The following EGFLAM variants were observed in gnomAD, a reference collection of about 807,000 sequenced individuals.
EGFLAM encodes the protein pikachurin.
Under a neutral mutation model 113.1 loss-of-function variants are expected in EGFLAM, and 79 were observed. That is an observed-to-expected ratio of 0.70 (90% CI 0.58 to 0.84). The LOEUF is 0.84. Among genes scored for constraint, EGFLAM ranks in the 40% least tolerant of loss-of-function variants. The pLI is 0.00. For synonymous variants in EGFLAM, 504 were observed against 487.6 expected, an observed-to-expected ratio of 1.03 and a Z score of -0.44; for missense variants, 1,265 against 1,291.6, an observed-to-expected ratio of 0.98 and a Z score of 0.32.
chr5:38,383,020 G>T (rs1740555059), intron 6 of EGFLAM, among the ~76,000 whole-genome samples: 1 of 152,204 alleles, frequency 6.6e-6, no homozygotes, highest in Non-Finnish European at 1.5e-5. Context: ...GCAGATGGCA[G>T]TAGTTCCCAC....
At chr5:38,267,729 A>C (rs1356839455) in intron 1 of EGFLAM, among the ~76,000 whole-genome samples, 1 of 152,176 alleles carries the variant, frequency 6.6e-6, no homozygotes, top group African/African-American at 2.4e-5. Context: ...CAGTGGTTAG[A>C]TATTTGGAAC....
At chr5:38,367,756 C>T (rs986206568) in intron 5 of EGFLAM, among the ~76,000 whole-genome samples, 1 of 152,186 alleles carries the variant, frequency 6.6e-6, no homozygotes. Flanking sequence ...ATACTTTTGC[C>T]TGGTCATCTC....
chr5:38,370,294 A>G lies in EGFLAM; in HGVS notation c.546-2A>G. The G allele has an allele frequency of 6.2e-7, 1 of 1,612,602 alleles. No homozygotes were observed. The highest frequency in any genetic ancestry group is 1.7e-4 in the Middle Eastern group (1 of 6,058). ...CTTCTTCTGTTTTTCTAATCAATAA[A>G]GGCCAGATTTCGACAAGAAGTGGAC... On this transcript the variant is annotated splice_acceptor_variant, in intron 5 of 21. Coordinates refer to ENST00000322350, the MANE Select transcript of EGFLAM (RefSeq NM_152403.4). LOFTEE classifies it high-confidence loss of function.
intron 6 of EGFLAM, among the ~76,000 whole-genome samples, chr5:38,387,001 T>C (rs1039554933): frequency 3.9e-5 from 6 of 152,048 alleles, no homozygotes; most frequent in Admixed American, 6.5e-5. Flanking sequence ...GGAGGTAGCG[T>C]GGCCAAGTTT....
chr5:38,349,986 CAG>C (rs60208141), intron 3 of EGFLAM, among the ~76,000 whole-genome samples: 5,363 of 143,972 alleles, frequency 0.037, 149 homozygotes, highest in South Asian at 0.15. Context: ...CACACACACA[CAG>C]ACAGACACAC....
chr5:38,265,822 A>G (rs889264524), intron 1 of EGFLAM, among the ~76,000 whole-genome samples: 1 of 152,248 alleles, frequency 6.6e-6, no homozygotes, highest in African/African-American at 2.4e-5. Context: ...CTGAATTTTT[A>G]GAGTGCAATC....
intron 1 of EGFLAM, among the ~76,000 whole-genome samples, chr5:38,330,234 A>G (rs949397950): frequency 2.0e-5 from 3 of 151,904 alleles, no homozygotes; most frequent in African/African-American, 4.8e-5. Flanking sequence ...CTGGATGTCA[A>G]TTAGGTCTCA....
At chr5:38,334,179 C>T (rs939206650) in intron 1 of EGFLAM, among the ~76,000 whole-genome samples, 16 of 152,166 alleles carry the variant, frequency 1.1e-4, no homozygotes, top group African/African-American at 3.9e-4. Flanking sequence ...CTGCCTTGAC[C>T]TCCCAAAGTG....
At chr5:38,403,800 G>A in intron 6 of EGFLAM, 1 of 1,612,156 alleles carries the variant, frequency 6.2e-7, no homozygotes, top group South Asian at 1.1e-5. Context: ...ATAGAGACAA[G>A]AGGAAGGAGC....
At position 38,300,397 on chromosome 5, in the gene EGFLAM, G is replaced by A. The variant is rs1758548353; in HGVS notation, c.98-37123G>A. On this transcript the variant is annotated intron_variant, in intron 1 of 21. Coordinates refer to ENST00000322350, the MANE Select transcript of EGFLAM (RefSeq NM_152403.4). ...TCTCTTTTTTTTTTTTTTTTGAGAT[G>A]GAGTCTCACTCTGTTCAGCCCAGGC... 2.1e-5 allele frequency among the ~76,000 whole-genome samples: 3 copies of A among 142,638 alleles called. No individual in the cohort carries two copies. In the East Asian group the frequency reaches 6.1e-4, roughly 29 times the overall value. 93.6% of individuals were successfully genotyped at this position (142,638 alleles called of 152,430 possible).
chr5:38,357,482 G>C (rs938585316), intron 5 of EGFLAM, among the ~76,000 whole-genome samples: 2 of 152,028 alleles, frequency 1.3e-5, no homozygotes, highest in East Asian at 3.9e-4. Context: ...GTGGGGGAGG[G>C]GGTTGTCTGC....
chr5:38,354,731 C>CA (rs969680751), intron 5 of EGFLAM, among the ~76,000 whole-genome samples: 17 of 150,074 alleles, frequency 1.1e-4, no homozygotes, highest in East Asian at 1.9e-4. Flanking sequence ...TTCTGTCTCC[C>CA]AAAAAAAAAT....
chr5:38,459,489 TAAC>T (rs1363041783), intron 20 of EGFLAM, among the ~76,000 whole-genome samples: 1 of 152,194 alleles, frequency 6.6e-6, no homozygotes, highest in Non-Finnish European at 1.5e-5. Flanking sequence ...TCCATATTTC[TAAC>T]AACATATTTT....
intron 18 of EGFLAM, among the ~76,000 whole-genome samples, chr5:38,449,260 G>A (rs1381038702): frequency 6.6e-6 from 1 of 152,154 alleles, no homozygotes. Flanking sequence ...AGTTCTTAGG[G>A]TGGAGTTTGG....
At chr5:38,311,614 A>AT (rs1260030579) in intron 1 of EGFLAM, among the ~76,000 whole-genome samples, 3 of 152,010 alleles carry the variant, frequency 2.0e-5, no homozygotes, top group Non-Finnish European at 2.9e-5. Context: ...TGTTTTTTGC[A>AT]TTTTTTTCGT....
chr5:38,340,783 G>A lies in EGFLAM; in HGVS notation c.291+2002G>A, dbSNP rs147448630. The stretch of plus-strand genomic sequence containing the variant: ...GCCCAGGGAATGAATGAGCATGAAT[G>A]TGTCCACACATGCCTCTCTCTCTCT... On this transcript the variant is annotated intron_variant, in intron 3 of 21. Transcript: ENST00000322350. Among the ~76,000 whole-genome samples, 590 of 145,004 alleles carry A rather than the reference G, an allele frequency of 4.1e-3. 6 individuals are homozygous for A. Among genetic ancestry groups the A allele is most frequent in the African/African-American group, 0.014 (547 of 39,872 alleles).
chr5:38,380,846 A>T (rs1740491478), intron 6 of EGFLAM, among the ~76,000 whole-genome samples: 1 of 152,154 alleles, frequency 6.6e-6, no homozygotes, highest in South Asian at 2.1e-4. Flanking sequence ...ATTATCATAC[A>T]TTTACTAATA....
chr5:38,351,732 G>C (rs762011455), intron 4 of EGFLAM, among the ~76,000 whole-genome samples: 1 of 152,038 alleles, frequency 6.6e-6, no homozygotes, highest in Non-Finnish European at 1.5e-5. Flanking sequence ...TGATTGTCAG[G>C]GGCAAAACAC....
intron 1 of EGFLAM, chr5:38,284,180 A>T (rs1046046296): frequency 2.0e-5 from 3 of 152,214 alleles, no homozygotes; most frequent in African/African-American, 7.2e-5. Flanking sequence ...CTTGCCTCTC[A>T]TTGTTGGGGA....
Sources: gnomAD v4.1 joint callset for allele counts (sites outside exome capture counted in the v4.1 genomes callset) on GRCh38, gnomAD v4.1.1 for gene constraint, MANE v1.5 for transcripts, NCBI Gene and HGNC (gene_info 2026-07-23, HGNC 2026-07-21) for gene names.